Variants in FGGY observed in about 807,000 individuals in gnomAD.
The protein encoded by FGGY is FGGY carbohydrate kinase domain-containing protein.
Under a neutral mutation model 71.3 loss-of-function variants are expected in FGGY, and 72 were observed. The observed-to-expected ratio is 1.01, with a 90% CI of 0.84 to 1.23. The LOEUF is 1.23. Among genes scored for constraint, FGGY ranks in the 50% most tolerant of loss-of-function variants. The probability of loss-of-function intolerance (pLI) is 0.00; values close to 1 mark genes in which losing one functional copy is unlikely to be tolerated. For synonymous variants in FGGY, 251 were observed against 250.3 expected, an observed-to-expected ratio of 1.00 and a Z score of -0.02; for missense variants, 668 against 682.3, an observed-to-expected ratio of 0.98 and a Z score of 0.23.
At chr1:59,716,558 T>C (rs1162924494) in intron 14 of FGGY, among the ~76,000 whole-genome samples, 1 of 152,164 alleles carries the variant, frequency 6.6e-6, no homozygotes, top group Non-Finnish European at 1.5e-5. Context: ...TGCGGCAAAC[T>C]AGCATCAAAG....
intron 9 of FGGY, among the ~76,000 whole-genome samples, chr1:59,622,911 C>G (rs770077897): frequency 1.9e-4 from 29 of 152,172 alleles, no homozygotes; most frequent in Non-Finnish European, 3.7e-4. Context: ...CTTCAGAGAA[C>G]TATTTGCTGT....
intron 2 of FGGY, among the ~76,000 whole-genome samples, chr1:59,331,068 T>A (rs968057904): frequency 6.6e-6 from 1 of 152,098 alleles, no homozygotes; most frequent in Non-Finnish European, 1.5e-5. Context: ...GTGCTTAATA[T>A]TTTTAATAAT....
chr1:59,590,331 G>A (rs147962853), intron 8 of FGGY, among the ~76,000 whole-genome samples: 2,046 of 152,270 alleles, frequency 0.013, 16 homozygotes, highest in Middle Eastern at 0.051. Flanking sequence ...AGGACCAGAT[G>A]GATTTACAGC....
chr1:59,537,294 T>C (rs1179172512), intron 7 of FGGY, among the ~76,000 whole-genome samples: 2 of 152,058 alleles, frequency 1.3e-5, no homozygotes, highest in Admixed American at 1.3e-4. Context: ...TTACAAGGGA[T>C]GTGAAGGACC....
intron 14 of FGGY, among the ~76,000 whole-genome samples, chr1:59,715,274 A>G (rs1260458315): frequency 6.6e-6 from 1 of 152,160 alleles, no homozygotes; most frequent in African/African-American, 2.4e-5. Context: ...ACCATAAAAA[A>G]CCAATGCTGA....
intron 5 of FGGY, among the ~76,000 whole-genome samples, chr1:59,433,215 A>G (rs1187504581): frequency 6.6e-6 from 1 of 152,198 alleles, no homozygotes; most frequent in Non-Finnish European, 1.5e-5. Flanking sequence ...TCTACCCACT[A>G]GTTGCCAGTA....
chr1:59,612,062 G>A (rs6700232), intron 9 of FGGY, among the ~76,000 whole-genome samples: 173 of 152,278 alleles, frequency 1.1e-3, no homozygotes, highest in African/African-American at 4.1e-3. Context: ...GGAACCAACT[G>A]GGAAAACACT....
At chr1:59,529,967 T>C (rs1240316879) in intron 7 of FGGY, among the ~76,000 whole-genome samples, 1 of 152,246 alleles carries the variant, frequency 6.6e-6, no homozygotes, top group East Asian at 1.9e-4. Flanking sequence ...ATTAAATGTA[T>C]AAAAGTATTT....
chr1:59,607,439 G>T (rs1420746903), intron 8 of FGGY, among the ~76,000 whole-genome samples: 1 of 152,174 alleles, frequency 6.6e-6, no homozygotes, highest in African/African-American at 2.4e-5. Flanking sequence ...GAAGGGGTAG[G>T]GAGATAGACC....
chr1:59,589,053 T>C (rs2096372358), intron 8 of FGGY, among the ~76,000 whole-genome samples: 1 of 152,152 alleles, frequency 6.6e-6, no homozygotes, highest in Non-Finnish European at 1.5e-5. Context: ...CCAGCTCACA[T>C]GCAGAGACAC....
intron 6 of FGGY, among the ~76,000 whole-genome samples, chr1:59,464,979 T>A (rs2092520850): frequency 1.3e-5 from 2 of 152,170 alleles, no homozygotes; most frequent in African/African-American, 4.8e-5. Context: ...TTCCAATCAA[T>A]AGAAAAAGAG....
intron 11 of FGGY, among the ~76,000 whole-genome samples, chr1:59,647,903 C>CCCT (rs2097112678): frequency 1.0e-5 from 1 of 95,396 alleles, no homozygotes; most frequent in Non-Finnish European, 2.1e-5. Flanking sequence ...CCCCCCTCCC[C>CCCT]CCACCCCACC....
intron 9 of FGGY, among the ~76,000 whole-genome samples, chr1:59,623,150 C>T (rs1443005032): frequency 6.6e-6 from 1 of 152,106 alleles, no homozygotes; most frequent in Non-Finnish European, 1.5e-5. Context: ...ATTCCCATTG[C>T]CAACCTGTGA....
chr1:59,314,997 A>G (rs1167820269), intron 1 of FGGY, among the ~76,000 whole-genome samples: 1 of 152,106 alleles, frequency 6.6e-6, no homozygotes, highest in East Asian at 1.9e-4. Flanking sequence ...GGCTCCAGGA[A>G]CCTATGTGTC....
chr1:59,669,540 C>CTTTTTTTTTTTTTTTTTTTTTTTTTT (rs58004594), intron 13 of FGGY, among the ~76,000 whole-genome samples: 2 of 102,498 alleles, frequency 2.0e-5, no homozygotes, highest in Non-Finnish European at 3.5e-5. Flanking sequence ...TTCTAGACTT[C>CTTTTTTTTTTTTTTTTTTTTTTTTTT]TTTTTTTTTT....
At chr1:59,706,032 T>C (rs2097755558) in intron 14 of FGGY, among the ~76,000 whole-genome samples, 2 of 152,192 alleles carry the variant, frequency 1.3e-5, no homozygotes, top group South Asian at 4.1e-4. Flanking sequence ...TTCTCCACAG[T>C]GGCCGACCCC....
At chr1:59,391,351 G>T (rs1215930132) in intron 5 of FGGY, among the ~76,000 whole-genome samples, 1 of 152,156 alleles carries the variant, frequency 6.6e-6, no homozygotes, top group Non-Finnish European at 1.5e-5. Context: ...TGGAGGCAGT[G>T]GGGGAGTCGG....
intron 6 of FGGY, among the ~76,000 whole-genome samples, chr1:59,505,115 T>C (rs1012087927): frequency 1.3e-5 from 2 of 152,206 alleles, no homozygotes; most frequent in African/African-American, 2.4e-5. Flanking sequence ...ACACCTCTTA[T>C]AGGCCAGACT....
chr1:59,579,469 T>C, intron 8 of FGGY, among the ~76,000 whole-genome samples: 1 of 152,200 alleles, frequency 6.6e-6, no homozygotes, highest in African/African-American at 2.4e-5. Context: ...ATTTAGCATG[T>C]CAAAAGCCTA....
Sources: allele counts gnomAD v4.1 joint callset (sites outside exome capture counted in the v4.1 genomes callset), GRCh38; gene constraint gnomAD v4.1.1; transcripts MANE v1.5; gene names NCBI Gene and HGNC (gene_info 2026-07-23, HGNC 2026-07-21).